OSBPL1A: variants seen among roughly 807,000 people sequenced by gnomAD.
OSBPL1A encodes oxysterol binding protein like 1A, also known as oxysterol-binding protein-related protein 1.
OSBPL1A carries 80 observed loss-of-function variants against 137.1 expected under a neutral mutation model. That is an observed-to-expected ratio of 0.58 (90% confidence interval 0.49 to 0.70). The LOEUF (loss-of-function observed/expected upper bound fraction) is 0.70, where lower values mean the gene tolerates loss of function less well. Ranked by LOEUF, OSBPL1A falls within the 30% of genes least tolerant of loss-of-function variation. The pLI is 0.00. For missense variants in OSBPL1A, 970 were observed against 1,129.4 expected (o/e 0.86, Z 2.02); for synonymous variants, 365 against 389.7 (o/e 0.94, Z 0.75).
chr18:24,315,670 A>G (rs1193252861), intron 11 of OSBPL1A, among the ~76,000 whole-genome samples: 1 of 130,632 alleles, frequency 7.7e-6, no homozygotes. Context: ...AATATAATAT[A>G]TAATATATAA....
At chr18:24,370,812 C>A (rs1349033292) in intron 2 of OSBPL1A, among the ~76,000 whole-genome samples, 2 of 152,248 alleles carry the variant, frequency 1.3e-5, no homozygotes, top group East Asian at 1.9e-4. Flanking sequence ...GGACCACAGG[C>A]ATGCGCCACC....
chr18:24,231,155 G>A (rs2088264930), intron 16 of OSBPL1A, among the ~76,000 whole-genome samples: 1 of 152,162 alleles, frequency 6.6e-6, no homozygotes. Context: ...CTAGTTTACA[G>A]AAGCATTGAA....
chr18:24,381,996 A>C (rs1906619026), intron 1 of OSBPL1A, among the ~76,000 whole-genome samples: 2 of 151,380 alleles, frequency 1.3e-5, no homozygotes, highest in Admixed American at 1.3e-4. Context: ...AAAATTAAAG[A>C]TCCGTCAATA....
intron 14 of OSBPL1A, chr18:24,301,178 T>G (rs1458267549): frequency 6.6e-6 from 1 of 152,250 alleles, no homozygotes; most frequent in East Asian, 1.9e-4. Context: ...TGTCCATAAT[T>G]ATCTCTTTTG....
chr18:24,194,830 C>T (rs148771134), intron 18 of OSBPL1A, among the ~76,000 whole-genome samples: 10 of 152,254 alleles, frequency 6.6e-5, no homozygotes, highest in Middle Eastern at 3.4e-3. Flanking sequence ...AGCCAGGAAG[C>T]GGGAGAGCGG....
chr18:24,252,742 A>C (rs1219138727), intron 15 of OSBPL1A, among the ~76,000 whole-genome samples: 1 of 152,228 alleles, frequency 6.6e-6, no homozygotes, highest in Non-Finnish European at 1.5e-5. Flanking sequence ...ATGATGAACT[A>C]ATCAAAAATA....
chr18:24,314,137 T>A (rs1599653525), intron 12 of OSBPL1A, 112 bp downstream of exon 12: 1 of 623,988 alleles, frequency 1.6e-6, no homozygotes, highest in East Asian at 3.1e-5. Context: ...TTAAAAAAAT[T>A]AAAAGTACAA....
Position 24,271,563 on chromosome 18 carries a change from G to T in OSBPL1A, c.1281+9279C>A. On this transcript the variant is annotated intron_variant, in intron 15 of 27. Transcript: ENST00000319481. The surrounding 1 kb of genome is among the most constrained non-coding windows in gnomAD (Gnocchi z 4.0). Reference sequence around the variant, plus strand: ...CGCCCTCCCCGCTCCGTCCCCCGGCGTCCTCCGTGGCCCCAGGCTGCCCCG... The same window carrying T: ...CGCCCTCCCCGCTCCGTCCCCCGGCTTCCTCCGTGGCCCCAGGCTGCCCCG... 1 of 987,238 alleles carries T rather than the reference G, an allele frequency of 1.0e-6. No individual in the cohort carries two copies. The highest frequency in any genetic ancestry group is 1.2e-6 in the Non-Finnish European group (1 of 831,480). 61.2% of individuals were successfully genotyped at this position (987,238 alleles called of 1,614,324 possible).
intron 13 of OSBPL1A, among the ~76,000 whole-genome samples, chr18:24,308,164 G>A (rs2090543119): frequency 2.0e-5 from 3 of 148,266 alleles, no homozygotes; most frequent in Non-Finnish European, 4.5e-5. Flanking sequence ...CGCCCAGGCT[G>A]GAGTGCAGTG....
At chr18:24,237,224 A>T (rs934497493) in intron 16 of OSBPL1A, among the ~76,000 whole-genome samples, 7 of 152,242 alleles carry the variant, frequency 4.6e-5, no homozygotes, top group Non-Finnish European at 1.0e-4. Flanking sequence ...TAACAGGTGA[A>T]GAGAATTTCA....
chr18:24,168,947 A>G (rs1168286907), intron 24 of OSBPL1A, among the ~76,000 whole-genome samples: 1 of 152,244 alleles, frequency 6.6e-6, no homozygotes, highest in Non-Finnish European at 1.5e-5. Flanking sequence ...GTTGGAAGGC[A>G]AGCATGTTGG....
chr18:24,324,761 G>A (rs2090938722), intron 7 of OSBPL1A, among the ~76,000 whole-genome samples: 1 of 148,588 alleles, frequency 6.7e-6, no homozygotes, highest in African/African-American at 2.5e-5. Context: ...TCCATCCTGG[G>A]CGACAGAGCG....
chr18:24,246,057 C>CA (rs1417844082), intron 15 of OSBPL1A, among the ~76,000 whole-genome samples: 2 of 151,610 alleles, frequency 1.3e-5, no homozygotes, highest in African/African-American at 2.4e-5. Flanking sequence ...TAAAAATATA[C>CA]AAAAATTAGG....
intron 18 of OSBPL1A, among the ~76,000 whole-genome samples, chr18:24,182,099 A>G (rs1387178816): frequency 1.3e-5 from 2 of 152,154 alleles, no homozygotes; most frequent in African/African-American, 4.8e-5. Context: ...ATGAAATGAT[A>G]TGACAACACC....
intron 14 of OSBPL1A, among the ~76,000 whole-genome samples, chr18:24,286,147 A>T (rs1337198439): frequency 6.6e-6 from 1 of 152,082 alleles, no homozygotes; most frequent in Non-Finnish European, 1.5e-5. Context: ...ACAGAGCAAG[A>T]CTCTGTCTCA....
chr18:24,348,941 G>A (rs754271619), intron 4 of OSBPL1A, among the ~76,000 whole-genome samples: 6 of 151,966 alleles, frequency 3.9e-5, no homozygotes, highest in Non-Finnish European at 8.8e-5. Context: ...ATCCAGGTCT[G>A]GGATCACTTG....
intron 15 of OSBPL1A, among the ~76,000 whole-genome samples, chr18:24,251,900 G>T (rs570323401): frequency 6.6e-6 from 1 of 152,120 alleles, no homozygotes; most frequent in African/African-American, 2.4e-5. Context: ...GAATCAAGCA[G>T]AAATTCTAGA....
intron 4 of OSBPL1A, among the ~76,000 whole-genome samples, chr18:24,359,042 C>A (rs963667542): frequency 1.3e-5 from 2 of 152,130 alleles, no homozygotes; most frequent in African/African-American, 4.8e-5. Flanking sequence ...CATGGCAAAA[C>A]CCTGTCCCTA....
At chr18:24,191,158 G>A (rs2086879756) in intron 18 of OSBPL1A, among the ~76,000 whole-genome samples, 1 of 152,178 alleles carries the variant, frequency 6.6e-6, no homozygotes, top group Non-Finnish European at 1.5e-5. Context: ...AGGCCAAGAA[G>A]CCAATGACTA....
Sources: allele counts gnomAD v4.1 joint callset (sites outside exome capture counted in the v4.1 genomes callset), GRCh38; gene constraint gnomAD v4.1.1; non-coding constraint Gnocchi (gnomAD v3.1); transcripts MANE v1.5; gene names NCBI Gene and HGNC (gene_info 2026-07-23, HGNC 2026-07-21).